KLRD1: variants seen among roughly 807,000 people sequenced by gnomAD.
The protein encoded by KLRD1 is killer cell lectin like receptor D1.
A neutral mutation model predicts 22.6 loss-of-function variants in KLRD1; 21 were observed. The ratio of observed to expected loss-of-function variants is 0.93; its 90% confidence interval spans 0.66 to 1.34. The LOEUF is 1.34. Ranked by LOEUF, KLRD1 falls within the 40% of genes most tolerant of loss-of-function variation. KLRD1 has a pLI of 0.00. For missense variants in KLRD1, 183 were observed against 208.6 expected (o/e 0.88, Z 0.76); for synonymous variants, 59 against 71.1 (o/e 0.83, Z 0.85).
intron 1 of KLRD1, chr12:10,308,502 T>A: frequency 5.3e-6 from 1 of 189,666 alleles, no homozygotes; most frequent in South Asian, 1.1e-4. Context: ...ATTGTACTGT[T>A]GTTAATGACA....
chr12:10,309,354 T>A, intron 1 of KLRD1, 34 bp from the exon 2 acceptor site: 1 of 976,188 alleles, frequency 1.0e-6, no homozygotes, highest in Non-Finnish European at 1.6e-6. Context: ...GAGTTTGCTC[T>A]TTAAGTCATT....
intron 1 of KLRD1, among the ~76,000 whole-genome samples, chr12:10,239,414 T>G (rs1949212731): frequency 1.7e-5 from 1 of 57,956 alleles, no homozygotes; most frequent in Non-Finnish European, 3.5e-5. Context: ...CCTTCCTTCC[T>G]TCTTTCCATC....
chr12:10,249,646 A>T (rs867945954), intron 1 of KLRD1, among the ~76,000 whole-genome samples: 20 of 152,310 alleles, frequency 1.3e-4, no homozygotes, highest in Middle Eastern at 3.4e-3. Context: ...TCAATTTTTT[A>T]AAAAAGAATT....
At chr12:10,294,090 G>A (rs1949800966) in intron 1 of KLRD1, among the ~76,000 whole-genome samples, 1 of 152,124 alleles carries the variant, frequency 6.6e-6, no homozygotes. Flanking sequence ...TGGATGTGCT[G>A]TTTCCAAATC....
In KLRD1 at chr12:10,289,451, A is replaced by C. The variant is rs577836881; in HGVS notation, c.-100-18527A>C. On this transcript the variant is annotated intron_variant, in intron 1 of 5. Coordinates refer to the KLRD1 transcript ENST00000544747. ...TCTTTCTATGCTAAACAATCAGGGA[A>C]ACTGTCAATGTTTTATTCAAAATGT... Among the ~76,000 whole-genome samples, 64 of 152,352 alleles carry C rather than the reference A, an allele frequency of 4.2e-4. 1 individual carries two copies. In the South Asian group the frequency reaches 0.012, roughly 29 times the overall value.
chr12:10,310,015 T>C (rs1249314103), intron 3 of KLRD1, among the ~76,000 whole-genome samples: 1 of 152,230 alleles, frequency 6.6e-6, no homozygotes, highest in African/African-American at 2.4e-5. Flanking sequence ...CTGAATTTGC[T>C]TATAACCTAT....
intron 1 of KLRD1, among the ~76,000 whole-genome samples, chr12:10,291,983 T>C (rs1319680015): frequency 6.6e-6 from 1 of 152,190 alleles, no homozygotes; most frequent in Non-Finnish European, 1.5e-5. Context: ...CATTCTTTTT[T>C]ATGGCTGCGT....
intron 1 of KLRD1, among the ~76,000 whole-genome samples, chr12:10,239,518 C>CCTTTCTTTCTTTCTCTTTCTTTCTTT (rs545852866): frequency 3.4e-5 from 2 of 59,466 alleles, no homozygotes; most frequent in Non-Finnish European, 7.0e-5. Flanking sequence ...CCTTCCCTCC[C>CCTTTCTTTCTTTCTCTTTCTTTCTTT]CTTTCTTTCT....
rs768685623 is a variant in KLRD1, at chr12:10,309,350, G to T, written c.8-38G>T. ...TTTTAAGAACTCAGCTCCTGAGTTT[G>T]CTCTTTAAGTCATTACTCTGTCTGT... On this transcript the variant is annotated intron_variant, in intron 1 of 5. Transcript: ENST00000336164. The T allele has an allele frequency of 5.6e-6, 5 of 897,880 alleles. No homozygotes were observed. The African/African-American group carries it at 6.6e-5, about 12-fold the overall frequency. 55.6% of individuals were successfully genotyped at this position (897,880 alleles called of 1,614,324 possible).
chr12:10,310,787 A>G (rs1160058737), intron 3 of KLRD1, among the ~76,000 whole-genome samples: 1 of 152,178 alleles, frequency 6.6e-6, no homozygotes, highest in East Asian at 1.9e-4. Flanking sequence ...TCTGTCTCAA[A>G]AACAATTAAA....
intron 1 of KLRD1, among the ~76,000 whole-genome samples, chr12:10,239,571 C>CTTTCTTTCTTTCTTTCTT (rs1949221883): frequency 8.3e-6 from 1 of 120,150 alleles, no homozygotes; most frequent in Non-Finnish European, 1.7e-5. Flanking sequence ...TTCTTTCTTT[C>CTTTCTTTCTTTCTTTCTT]TTTCTTTCTT....
chr12:10,286,310 C>G (rs1433355368), intron 1 of KLRD1, among the ~76,000 whole-genome samples: 1 of 152,170 alleles, frequency 6.6e-6, no homozygotes, highest in African/African-American at 2.4e-5. Flanking sequence ...TAATGAATAG[C>G]TTATGTCCTA....
Position 10,324,723 on chromosome 12 carries a change from G to A in KLRD1, c.*9930G>A, listed in dbSNP as rs1305211775. On this transcript the variant is annotated 3_prime_UTR_variant, in exon 6 of 6. Transcript: ENST00000336164. ...TATGTTTTTATGAGATTTCCCCAAA[G>A]TAGTCTATTGTTTTTAAAGCTATTA... 3 of 149,368 alleles carry A rather than the reference G, an allele frequency of 2.0e-5. No individual in the cohort carries two copies. The highest frequency in any genetic ancestry group is 4.4e-5 in the Non-Finnish European group (3 of 67,426). 9.3% of individuals were successfully genotyped at this position (149,368 alleles called of 1,614,324 possible). A position where few individuals can be genotyped will look rare whatever the true frequency, so the allele number is the denominator to read the frequency against.
chr12:10,265,113 T>C (rs2137635858), intron 1 of KLRD1, among the ~76,000 whole-genome samples: 2 of 152,254 alleles, frequency 1.3e-5, no homozygotes, highest in Middle Eastern at 6.8e-3. Flanking sequence ...ACTTATATTT[T>C]ACCTGTTATT....
At chr12:10,292,267 A>G (rs1039486436) in intron 1 of KLRD1, among the ~76,000 whole-genome samples, 1 of 152,212 alleles carries the variant, frequency 6.6e-6, no homozygotes, top group Non-Finnish European at 1.5e-5. Flanking sequence ...ATGAACCACA[A>G]GTGTTCTTAA....
rs1379877284 is a variant in KLRD1, at chr12:10,316,721, A to C, written c.*1928A>C. On this transcript the variant is annotated 3_prime_UTR_variant, in exon 6 of 6. Transcript: ENST00000336164. ...CCCGGCCAGTTTATATAATTTAAAC[A>C]CTGCCTTTTGGTTCCTTGATTCCCA... 6.6e-6 allele frequency: 1 copy of C among 152,224 alleles called. No homozygotes were observed. Among genetic ancestry groups the C allele is most frequent in the Non-Finnish European group, 1.5e-5 (1 of 68,034 alleles). The allele number at this position is 152,224 out of a possible 1,614,324, so 9.4% of individuals were successfully genotyped here.
chr12:10,328,658 T>C lies in KLRD1; in HGVS notation c.*13865T>C, dbSNP rs1225287600. On this transcript the variant is annotated 3_prime_UTR_variant, in exon 6 of 6. Transcript: ENST00000336164. ...ACTATTTTATTTCTGAACTAATCTTTATTATTTTCTTTATTCTTCTAAATT... is the reference window on the plus strand; with the variant it reads ...ACTATTTTATTTCTGAACTAATCTTCATTATTTTCTTTATTCTTCTAAATT... 1 of 152,338 alleles carries C rather than the reference T, an allele frequency of 6.6e-6. No individual in the cohort carries two copies. Among genetic ancestry groups the C allele is most frequent in the East Asian group, 1.9e-4 (1 of 5,192 alleles). 9.4% of individuals were successfully genotyped at this position (152,338 alleles called of 1,614,324 possible). A position where few individuals can be genotyped will look rare whatever the true frequency, so the allele number is the denominator to read the frequency against.
intron 1 of KLRD1, among the ~76,000 whole-genome samples, chr12:10,268,172 C>G (rs920771932): frequency 6.6e-6 from 1 of 152,160 alleles, no homozygotes; most frequent in Non-Finnish European, 1.5e-5. Context: ...ATTATTGCCT[C>G]AGATTAGATG....
intron 1 of KLRD1, among the ~76,000 whole-genome samples, chr12:10,292,336 A>C (rs2137668175): frequency 6.6e-6 from 1 of 152,332 alleles, no homozygotes; most frequent in East Asian, 1.9e-4. Flanking sequence ...GCCCAGTTTC[A>C]TCTGAGGAAT....
Sources: gnomAD v4.1 joint callset for allele counts (sites outside exome capture counted in the v4.1 genomes callset) on GRCh38, gnomAD v4.1.1 for gene constraint, MANE v1.5 for transcripts, NCBI Gene and HGNC (gene_info 2026-07-23, HGNC 2026-07-21) for gene names.